The following SH2D3C variants were observed in gnomAD, a reference collection of about 807,000 sequenced individuals.
SH2D3C encodes SH2 domain containing 3C.
Under a neutral mutation model 75.2 loss-of-function variants are expected in SH2D3C, and 25 were observed. That is an observed-to-expected ratio of 0.33 (90% CI 0.24 to 0.46). The LOEUF is 0.46. SH2D3C is among the 20% of genes least tolerant of loss of function. The pLI, the probability that SH2D3C is intolerant of heterozygous loss-of-function variation, is 1.00. For missense variants in SH2D3C, 933 were observed against 1,165.3 expected (o/e 0.80, Z 2.90); for synonymous variants, 450 against 473.7 (o/e 0.95, Z 0.65).
intron 7 of SH2D3C, among the ~76,000 whole-genome samples, chr9:127,743,509 T>C (rs2131738989): frequency 6.6e-6 from 1 of 152,014 alleles, no homozygotes; most frequent in African/African-American, 2.4e-5. Context: ...TCTCAAAAAA[T>C]AAAAATAAAA....
intron 2 of SH2D3C, chr9:127,771,447 C>G (rs942733758): frequency 2.0e-5 from 23 of 1,171,010 alleles, no homozygotes; most frequent in Non-Finnish European, 2.6e-5. Flanking sequence ...TCGAACACGG[C>G]CCTCCGCCTG....
chr9:127,766,413 G>A (rs1354765899), intron 2 of SH2D3C, among the ~76,000 whole-genome samples: 1 of 152,174 alleles, frequency 6.6e-6, no homozygotes, highest in Non-Finnish European at 1.5e-5. Flanking sequence ...CTTCCCAGAG[G>A]GTCTGTGAGG....
At position 127,747,370 on chromosome 9, in the gene SH2D3C, G is replaced by A. The variant is rs1459657832; in HGVS notation, c.1140-99C>T. 5.1e-6 allele frequency: 6 copies of A among 1,177,920 alleles called. No individual in the cohort carries two copies. In the African/African-American group the frequency reaches 9.2e-5, roughly 18 times the overall value. 73.0% of individuals were successfully genotyped at this position (1,177,920 alleles called of 1,614,324 possible). A position where few individuals can be genotyped will look rare whatever the true frequency, so the allele number is the denominator to read the frequency against. ...CTCTGCACCTTGAACTTCAGAGGCA[G>A]AGAAGGCTTGGAGATTATCAAATCC... is the stretch of plus-strand genomic sequence containing the variant. On this transcript the variant is annotated intron_variant, in intron 5 of 11. Transcript: ENST00000314830.
Position 127,754,195 on chromosome 9 carries a change from TGC to T in SH2D3C, c.556-2897_556-2896del, listed in dbSNP as rs1845285497. ...GAGATGATCTCACCGCCTCCCGGCC[TGC>T]GCGCGCCTGATTGGCCGGTGCGGGG... On this transcript the variant is annotated intron_variant, in intron 3 of 11. Coordinates refer to ENST00000314830, the MANE Select transcript of SH2D3C (RefSeq NM_170600.3). This position sits in a 1 kb window ranked among gnomAD's most constrained non-coding sequence, Gnocchi z 4.4. 1.3e-5 allele frequency among the ~76,000 whole-genome samples: 2 copies of T among 152,236 alleles called. No homozygotes were observed. The highest frequency in any genetic ancestry group is 3.9e-4 in the East Asian group (2 of 5,164).
rs1054050079 is a variant in SH2D3C, at chr9:127,771,426, C to T, written c.515+2564G>A. 8 of 1,258,866 alleles carry T rather than the reference C, an allele frequency of 6.4e-6. No individual in the cohort carries two copies. The South Asian group carries it at 1.3e-4, about 20-fold the overall frequency. The allele number at this position is 1,258,866 out of a possible 1,614,324, so 78.0% of individuals were successfully genotyped here. On this transcript the variant is annotated intron_variant, in intron 2 of 11. Transcript: ENST00000314830. ...CGCCTACTCCACCGGCAGGGAAGGA[C>T]GCTCTCCGCCTCGAACACGGCCCTC...
chr9:127,742,669 G>C (rs917928724), intron 8 of SH2D3C, 180 bp downstream of exon 8: 1 of 552,166 alleles, frequency 1.8e-6, no homozygotes, highest in Non-Finnish European at 3.2e-6. Flanking sequence ...TTCAGTCTTT[G>C]GGAAATCAGC....
rs1265011714 is a variant in SH2D3C at position 127,751,125 on chromosome 9, G to A, written c.684+47C>T. 6.2e-7 allele frequency: 1 copy of A among 1,605,324 alleles called. No homozygotes were observed. The highest frequency in any genetic ancestry group is 8.5e-7 in the Non-Finnish European group (1 of 1,175,474). ...GCCAGGGCTGGGGCTGGCCAAGGCA[G>A]TGGGTGGGAGGGTCCCGGGTTGAAG... On this transcript the variant is annotated intron_variant, in intron 4 of 11. Coordinates refer to ENST00000314830, the MANE Select transcript of SH2D3C (RefSeq NM_170600.3). The surrounding 1 kb of genome is among the most constrained non-coding windows in gnomAD (Gnocchi z 4.1).
At chr9:127,765,492 C>T (rs766319572) in intron 2 of SH2D3C, among the ~76,000 whole-genome samples, 4 of 152,166 alleles carry the variant, frequency 2.6e-5, no homozygotes, top group Non-Finnish European at 4.4e-5. Context: ...AAAGTCTAGT[C>T]CTCCTGGCTG....
chr9:127,776,663 G>A (rs539834690), intron 1 of SH2D3C, among the ~76,000 whole-genome samples: 3 of 152,342 alleles, frequency 2.0e-5, no homozygotes, highest in East Asian at 1.9e-4. Flanking sequence ...GTTCGCACCC[G>A]TGCTGGGATG....
chr9:127,748,275 G>A (rs547915087), intron 5 of SH2D3C, among the ~76,000 whole-genome samples: 57 of 152,092 alleles, frequency 3.7e-4, no homozygotes, highest in Non-Finnish European at 7.2e-4. Context: ...CACATGGTCC[G>A]TGGATCCTGA....
Position 127,739,698 on chromosome 9 carries a change from A to G in SH2D3C, c.2391T>C (p.Ala797=). ...AHHGGLYHTN[A]EVKLQGFQAR... ...GCCACTCACCCTGCAGCTTGACTTCAGCATTGGTGTGGTACAGGCCTCCGT... is the reference window on the plus strand; with the variant it reads ...GCCACTCACCCTGCAGCTTGACTTCGGCATTGGTGTGGTACAGGCCTCCGT... The change falls in exon 11 of 12, where the codon GCT becomes GCC. Residue 797 remains alanine, a synonymous_variant. Transcript: ENST00000314830. The surrounding 1 kb of genome is among the most constrained non-coding windows in gnomAD (Gnocchi z 4.3). 1 of 1,606,094 alleles carries G rather than the reference A, an allele frequency of 6.2e-7. No homozygotes were observed. Among genetic ancestry groups the G allele is most frequent in the Non-Finnish European group, 8.5e-7 (1 of 1,175,906 alleles).
rs1300291755 is a variant in SH2D3C, at chr9:127,749,732, G to A, written c.685-67C>T. On this transcript the variant is annotated intron_variant, in intron 4 of 11. Coordinates refer to ENST00000314830, the MANE Select transcript of SH2D3C (RefSeq NM_170600.3). This position sits in a 1 kb window ranked among gnomAD's most constrained non-coding sequence, Gnocchi z 5.9. ...AGAGGGTCAGACCCAGGATCTGGGG[G>A]ACAGAGCAACCCAGGATTAGGGGGC... 27 of 1,036,606 alleles carry A rather than the reference G, an allele frequency of 2.6e-5. No individual in the cohort carries two copies. The highest frequency in any genetic ancestry group is 1.8e-4 in the Admixed American group (9 of 49,658). 64.2% of individuals were successfully genotyped at this position (1,036,606 alleles called of 1,614,324 possible).
At chr9:127,771,393 C>A (rs1845737230) in intron 2 of SH2D3C, 1 of 1,327,750 alleles carries the variant, frequency 7.5e-7, no homozygotes, top group African/African-American at 1.5e-5. Flanking sequence ...TGCCCGGCCC[C>A]ACTCCACCGC....
intron 2 of SH2D3C, chr9:127,771,277 G>T: frequency 6.6e-7 from 1 of 1,525,278 alleles, no homozygotes; most frequent in South Asian, 1.2e-5. Context: ...CCTAAACCCA[G>T]CGGCTCCTGC....
In SH2D3C at chr9:127,751,513, C is replaced by T. The variant is rs1588503775; in HGVS notation, c.556-213G>A. Among the ~76,000 whole-genome samples, 2 of 152,236 alleles carry T rather than the reference C, an allele frequency of 1.3e-5. No individual in the cohort carries two copies. The highest frequency in any genetic ancestry group is 4.1e-4 in the South Asian group (2 of 4,836). ...TGCCAGCTGCATTCCAGGCCCTGTG[C>T]TATATGCCAGGGGTGGATGCAGTGA... On this transcript the variant is annotated intron_variant, in intron 3 of 11. Transcript: ENST00000314830. This position sits in a 1 kb window ranked among gnomAD's most constrained non-coding sequence, Gnocchi z 4.1.
At position 127,747,229 on chromosome 9, in the gene SH2D3C, G is replaced by T; in HGVS notation, c.1182C>A (p.Ala394=). ...PRPRDSIRSC[A]LSMDQIPDLH... is the part of the protein sequence containing the mutation. ...GGTCTGGGATCTGGTCCATGCTGAG[G>T]GCACAGCTGCGGATGGAGTCCCGAG... The change falls in exon 6 of 12, where the codon GCC becomes GCA. Residue 394 remains alanine (A), a synonymous_variant. Transcript: ENST00000314830. The T allele has an allele frequency of 6.2e-7, 1 of 1,613,850 alleles. No individual in the cohort carries two copies. The highest frequency in any genetic ancestry group is 8.5e-7 in the Non-Finnish European group (1 of 1,179,982).
chr9:127,769,368 T>G (rs912115077), intron 2 of SH2D3C, among the ~76,000 whole-genome samples: 1 of 151,994 alleles, frequency 6.6e-6, no homozygotes, highest in Non-Finnish European at 1.5e-5. Flanking sequence ...GCTGGCTGGG[T>G]GCGGTGGCTC....
intron 2 of SH2D3C, chr9:127,771,250 CG>C: frequency 6.5e-7 from 1 of 1,543,074 alleles, no homozygotes; most frequent in Non-Finnish European, 8.7e-7. Flanking sequence ...CTGTCGCCGC[CG>C]GCAACCCGGG....
In SH2D3C at chr9:127,774,955, T is replaced by TGGC. The variant is rs1845789384; in HGVS notation, c.38-491_38-489dup. 6.6e-6 allele frequency among the ~76,000 whole-genome samples: 1 copy of TGGC among 152,008 alleles called. No homozygotes were observed. The highest frequency in any genetic ancestry group is 1.5e-5 in the Non-Finnish European group (1 of 67,988). Reference sequence around the variant, plus strand: ...CAATACAAACATTAGCCGGGTGTGGTGGCGCACCTGTAATCCCAGCTTCTT... The same window carrying TGGC: ...CAATACAAACATTAGCCGGGTGTGGTGGCGGCGCACCTGTAATCCCAGCTTCTT... On this transcript the variant is annotated intron_variant, in intron 1 of 11. Coordinates refer to ENST00000314830, the MANE Select transcript of SH2D3C (RefSeq NM_170600.3). This position sits in a 1 kb window ranked among gnomAD's most constrained non-coding sequence, Gnocchi z 4.3.
Sources: allele counts gnomAD v4.1 joint callset (sites outside exome capture counted in the v4.1 genomes callset), GRCh38; gene constraint gnomAD v4.1.1; non-coding constraint Gnocchi (gnomAD v3.1); transcripts MANE v1.5; gene names NCBI Gene and HGNC (gene_info 2026-07-23, HGNC 2026-07-21).